Variants in CCDC30 observed in about 807,000 individuals in gnomAD.
CCDC30 encodes the protein coiled-coil domain-containing protein 30.
CCDC30 carries 70 observed loss-of-function variants against 100.2 expected under a neutral mutation model. The ratio of observed to expected loss-of-function variants is 0.70; its 90% CI spans 0.58 to 0.85. The LOEUF is 0.85. Ranked by LOEUF, CCDC30 falls within the 40% of genes least tolerant of loss-of-function variation. CCDC30 has a pLI of 0.00. For synonymous variants in CCDC30, 233 were observed against 269.5 expected (o/e 0.86, Z 1.33); for missense variants, 652 against 771.2 (o/e 0.85, Z 1.83).
rs1439753869 is a variant in CCDC30 at position 42,584,312 on chromosome 1, T to C, written c.1001+2798T>C. Among the ~76,000 whole-genome samples the C allele has an allele frequency of 3.3e-5, 5 of 152,170 alleles. No homozygotes were observed. The East Asian group carries it at 7.7e-4, about 23-fold the overall frequency. Reference sequence around the variant, plus strand: ...AATTCTATTTAGTTTAAATTAGGCCTGGCACCAGTGGCTCACACCTGTAAT... The same window carrying C: ...AATTCTATTTAGTTTAAATTAGGCCCGGCACCAGTGGCTCACACCTGTAAT... On this transcript the variant is annotated intron_variant, in intron 9 of 16. Coordinates refer to ENST00000668663, the Ensembl canonical transcript of CCDC30.
chr1:42,516,762 C>G (rs1644561477), intron 6 of CCDC30, among the ~76,000 whole-genome samples: 1 of 151,968 alleles, frequency 6.6e-6, no homozygotes, highest in South Asian at 2.1e-4. Context: ...ACCAAATAAC[C>G]CCCTTTTCTT....
chr1:42,465,704 T>G (rs1284248720), intron 1 of CCDC30, among the ~76,000 whole-genome samples: 1 of 152,184 alleles, frequency 6.6e-6, no homozygotes, highest in Non-Finnish European at 1.5e-5. Context: ...GGTGGGGTTT[T>G]GCCCCCTGTG....
At chr1:42,478,938 A>G (rs1205221031) in intron 1 of CCDC30, among the ~76,000 whole-genome samples, 1 of 152,154 alleles carries the variant, frequency 6.6e-6, no homozygotes, top group Non-Finnish European at 1.5e-5. Context: ...CACTTTTTTT[A>G]TTTGTAGAAA....
intron 6 of CCDC30, among the ~76,000 whole-genome samples, chr1:42,559,530 A>G (rs545618637): frequency 6.6e-6 from 1 of 152,236 alleles, no homozygotes; most frequent in Non-Finnish European, 1.5e-5. Context: ...ACCAACGAAG[A>G]TCAAAAAAGA....
At chr1:42,509,226 C>A (rs1411274863) in intron 6 of CCDC30, among the ~76,000 whole-genome samples, 1 of 152,178 alleles carries the variant, frequency 6.6e-6, no homozygotes, top group South Asian at 2.1e-4. Context: ...GCTGAACCAA[C>A]TCTGGAAGGA....
chr1:42,513,372 A>G (rs1028599617), intron 6 of CCDC30, among the ~76,000 whole-genome samples: 3 of 152,196 alleles, frequency 2.0e-5, no homozygotes, highest in Non-Finnish European at 2.9e-5. Flanking sequence ...ATATTTACAT[A>G]GTGTGTGGGG....
At chr1:42,504,091 G>A (rs1369799799) in intron 6 of CCDC30, among the ~76,000 whole-genome samples, 1 of 152,254 alleles carries the variant, frequency 6.6e-6, no homozygotes, top group Non-Finnish European at 1.5e-5. Flanking sequence ...GAAACGAAGG[G>A]ATGGGCTAAA....
At chr1:42,523,598 G>A (rs1003886728) in intron 6 of CCDC30, among the ~76,000 whole-genome samples, 2 of 151,974 alleles carry the variant, frequency 1.3e-5, no homozygotes, top group African/African-American at 2.4e-5. Flanking sequence ...TTTCAAGTTG[G>A]TTGAGCCTCT....
chr1:42,606,775 A>G (rs1002287703), intron 10 of CCDC30, among the ~76,000 whole-genome samples: 21 of 152,256 alleles, frequency 1.4e-4, no homozygotes, highest in African/African-American at 5.1e-4. Context: ...AAGAAAAATT[A>G]TGACATTACA....
chr1:42,507,275 A>G (rs1297493946), intron 6 of CCDC30, among the ~76,000 whole-genome samples: 1 of 152,200 alleles, frequency 6.6e-6, no homozygotes, highest in Non-Finnish European at 1.5e-5. Context: ...ATCTTAACCA[A>G]TTTGACCATG....
At chr1:42,608,472 C>A (rs550181026) in intron 10 of CCDC30, among the ~76,000 whole-genome samples, 39 of 152,190 alleles carry the variant, frequency 2.6e-4, no homozygotes, top group Non-Finnish European at 5.3e-4. Flanking sequence ...GAGGCCGAGG[C>A]GGGCGGATCA....
At chr1:42,545,716 G>T in intron 6 of CCDC30, 137 bp downstream of exon 9, 1 of 700,696 alleles carries the variant, frequency 1.4e-6, no homozygotes. Flanking sequence ...GGAGACTGAG[G>T]CAGGCAGATC....
rs533910323 is a variant in CCDC30, at chr1:42,564,312, T to C, written c.457-1984T>C. On this transcript the variant is annotated intron_variant, in intron 6 of 16. Coordinates refer to ENST00000668663, the Ensembl canonical transcript of CCDC30. ...GATACATGTGCTTTTTTTACAGCTTTATTCAGGATTTTTGTTTTTTTTGAG... is the reference window on the plus strand; with the variant it reads ...GATACATGTGCTTTTTTTACAGCTTCATTCAGGATTTTTGTTTTTTTTGAG... Among the ~76,000 whole-genome samples, 4 of 151,976 alleles carry C rather than the reference T, an allele frequency of 2.6e-5. No individual in the cohort carries two copies. In the South Asian group the frequency reaches 8.3e-4, roughly 32 times the overall value.
intron 8 of CCDC30, among the ~76,000 whole-genome samples, chr1:42,577,756 T>G (rs2148585791): frequency 6.6e-6 from 1 of 152,236 alleles, no homozygotes; most frequent in African/African-American, 2.4e-5. Flanking sequence ...TTCTCCTGCC[T>G]CAGCCTCCCA....
intron 8 of CCDC30, among the ~76,000 whole-genome samples, chr1:42,580,195 T>G (rs1200981099): frequency 3.3e-5 from 5 of 152,190 alleles, no homozygotes; most frequent in African/African-American, 1.2e-4. Flanking sequence ...TAAGTAAGAA[T>G]TCTCCCTAGA....
chr1:42,618,902 T>C (rs1646777590), intron 11 of CCDC30, among the ~76,000 whole-genome samples: 1 of 152,214 alleles, frequency 6.6e-6, no homozygotes, highest in African/African-American at 2.4e-5. Flanking sequence ...CCATTCATAT[T>C]CTGTTGGCCA....
chr1:42,617,043 C>A (rs1408937098), intron 11 of CCDC30, among the ~76,000 whole-genome samples: 1 of 152,048 alleles, frequency 6.6e-6, no homozygotes, highest in South Asian at 2.1e-4. Flanking sequence ...AATGTTTAAA[C>A]AAAAGATGCT....
chr1:42,497,065 C>A, intron 4 of CCDC30, 33 bp from the exon 5 acceptor site: 1 of 1,141,072 alleles, frequency 8.8e-7, no homozygotes, highest in Non-Finnish European at 1.1e-6. Flanking sequence ...AACTTTGATC[C>A]AGTTGAGTAA....
chr1:42,465,147 CA>C (rs955309338), intron 1 of CCDC30, among the ~76,000 whole-genome samples: 1 of 151,980 alleles, frequency 6.6e-6, no homozygotes, highest in African/African-American at 2.4e-5. Context: ...CCTGACTCTA[CA>C]AAAAATGCAA....
Sources: allele counts gnomAD v4.1 joint callset (sites outside exome capture counted in the v4.1 genomes callset), GRCh38; gene constraint gnomAD v4.1.1; transcripts MANE v1.5; gene names NCBI Gene and HGNC (gene_info 2026-07-23, HGNC 2026-07-21).